Variants in F5 observed in about 807,000 individuals in gnomAD.
F5 encodes the protein coagulation factor V, also known as activated protein c cofactor.
A neutral mutation model predicts 216.4 loss-of-function variants in F5; 138 were observed. That is an observed-to-expected ratio of 0.64 (90% CI 0.56 to 0.73). The LOEUF is 0.73. Among genes scored for constraint, F5 ranks in the 30% least tolerant of loss-of-function variants. The pLI is 0.00. For missense variants in F5, 2,403 were observed against 2,674.0 expected, an observed-to-expected ratio of 0.90 and a Z score of 2.24; for synonymous variants, 916 against 930.7, an observed-to-expected ratio of 0.98 and a Z score of 0.29.
chr1:169,575,912 T>G (rs1262907300), intron 2 of F5, among the ~76,000 whole-genome samples: 1 of 152,126 alleles, frequency 6.6e-6, no homozygotes, highest in Non-Finnish European at 1.5e-5. Context: ...TGAGATGAGA[T>G]TCTTCTGGGC....
In F5 at chr1:169,569,189, A is replaced by T. The variant is rs1660671090; in HGVS notation, c.373+3032T>A. ...AAATATTCAGATGAGAAGTGAAAAA[A>T]TGTAATCACCTACATTAAGTCAAGC... On this transcript the variant is annotated intron_variant, in intron 3 of 24. Transcript: ENST00000367797. 1.3e-5 allele frequency among the ~76,000 whole-genome samples: 2 copies of T among 152,106 alleles called. 1 individual carries two copies. The highest frequency in any genetic ancestry group is 4.1e-4 in the South Asian group (2 of 4,836).
intron 3 of F5, among the ~76,000 whole-genome samples, chr1:169,564,548 A>G (rs1263381987): frequency 1.3e-5 from 2 of 151,980 alleles, no homozygotes; most frequent in Non-Finnish European, 2.9e-5. Flanking sequence ...CGATGTCTGA[A>G]AACTTCTGTT....
Position 169,514,104 on chromosome 1 carries a change from T to C in F5, c.*209A>G. 1 of 557,840 alleles carries C rather than the reference T, an allele frequency of 1.8e-6. No individual in the cohort carries two copies. The highest frequency in any genetic ancestry group is 3.2e-6 in the Non-Finnish European group (1 of 315,874). 34.6% of individuals were successfully genotyped at this position (557,840 alleles called of 1,614,324 possible). A position where few individuals can be genotyped will look rare whatever the true frequency, so the allele number is the denominator to read the frequency against. ...TGATATTTTCCTACCTGTATTCAAA[T>C]TAATGCAGAAGTAATAGCCATTATC... On this transcript the variant is annotated 3_prime_UTR_variant, in exon 25 of 25. Coordinates refer to ENST00000367797, the MANE Select transcript of F5 (RefSeq NM_000130.5).
intron 3 of F5, among the ~76,000 whole-genome samples, chr1:169,566,112 T>C (rs1463774996): frequency 6.6e-6 from 1 of 152,042 alleles, no homozygotes; most frequent in African/African-American, 2.4e-5. Context: ...GGTCAGAACT[T>C]GTCTATTAAC....
At chr1:169,576,708 T>C (rs1446820428) in intron 2 of F5, among the ~76,000 whole-genome samples, 1 of 152,188 alleles carries the variant, frequency 6.6e-6, no homozygotes, top group African/African-American at 2.4e-5. Context: ...TCTTGGCTCC[T>C]GATGGAAGTT....
At chr1:169,571,982 G>T (rs1285376915) in intron 3 of F5, among the ~76,000 whole-genome samples, 2 of 152,106 alleles carry the variant, frequency 1.3e-5, no homozygotes, top group Non-Finnish European at 2.9e-5. Flanking sequence ...AGAGAAATTA[G>T]ATAACTTGCC....
intron 23 of F5, among the ~76,000 whole-genome samples, chr1:169,516,409 T>C (rs765744931): frequency 6.6e-5 from 10 of 152,194 alleles, no homozygotes; most frequent in Admixed American, 2.6e-4. Context: ...CTCATTCAAT[T>C]CTAAAGGAAA....
intron 3 of F5, among the ~76,000 whole-genome samples, chr1:169,563,917 C>G: frequency 6.6e-6 from 1 of 152,066 alleles, no homozygotes; most frequent in East Asian, 1.9e-4. Context: ...TCTGCTTCTT[C>G]TAATGCTTGT....
At chr1:169,556,950 G>T in intron 5 of F5, 83 bp from the exon 6 acceptor site, 1 of 1,206,020 alleles carries the variant, frequency 8.3e-7, no homozygotes. Flanking sequence ...CAAGTGTATT[G>T]AGCACCTGCT....
intron 3 of F5, among the ~76,000 whole-genome samples, chr1:169,562,173 TTTC>T (rs1363331398): frequency 6.6e-6 from 1 of 152,144 alleles, no homozygotes; most frequent in Non-Finnish European, 1.5e-5. Context: ...TTCCAAAACA[TTTC>T]TTCATGCCAT....
At position 169,542,784 on chromosome 1, in the gene F5, G is replaced by A. The variant is rs763767565; in HGVS notation, c.2306C>T (p.Thr769Ile). 3 of 1,614,112 alleles carry A rather than the reference G, an allele frequency of 1.9e-6. No individual in the cohort carries two copies. Among genetic ancestry groups the A allele is most frequent in the Non-Finnish European group, 2.5e-6 (3 of 1,179,990 alleles). Reference sequence around the variant, plus strand: ...ATAATTTGAACCAACAATTATATCTGTGTTTGAAGAAACGAATTCAGTGCC... The same window carrying A: ...ATAATTTGAACCAACAATTATATCTATGTTTGAAGAAACGAATTCAGTGCC... ...ENGTEFVSSNTDIIVGSNYSS... is the reference protein window; with the variant it reads ...ENGTEFVSSNIDIIVGSNYSS... Residue 769 changes from threonine to isoleucine, a missense_variant, in exon 13 of 25, where the codon ACA (threonine) becomes ATA (isoleucine). Transcript: ENST00000367797.
chr1:169,563,943 T>C (rs901909581), intron 3 of F5, among the ~76,000 whole-genome samples: 25 of 152,166 alleles, frequency 1.6e-4, no homozygotes, highest in African/African-American at 5.8e-4. Flanking sequence ...TTTATTAACA[T>C]TGTGAATTTA....
intron 16 of F5, 91 bp from the exon 17 acceptor site, chr1:169,528,185 C>T (rs1351344798): frequency 1.6e-5 from 24 of 1,480,480 alleles, no homozygotes; most frequent in Non-Finnish European, 2.1e-5. Context: ...ACTCAACACC[C>T]ATGTTCCTCA....
At position 169,572,314 on chromosome 1, in the gene F5, C is replaced by A; in HGVS notation, c.280G>T (p.Val94Phe). 1 of 1,613,290 alleles carries A rather than the reference C, an allele frequency of 6.2e-7. No individual in the cohort carries two copies. The highest frequency in any genetic ancestry group is 8.5e-7 in the Non-Finnish European group (1 of 1,179,632). ...AAGTGAACTTTTATGATGTCTCCGA[C>A]TTCAGCATATAAAGTAGGCCCAAGA... The part of the protein sequence containing the change: ...GLLGPTLYAE[V>F]GDIIKVHFKN... The change falls in exon 3 of 25, where the codon GTC (valine) becomes TTC (phenylalanine). Residue 94 changes from valine (V) to phenylalanine (F), a missense_variant. Coordinates refer to ENST00000367797, the MANE Select transcript of F5 (RefSeq NM_000130.5).
chr1:169,553,395 C>G (rs1660221329), intron 7 of F5, among the ~76,000 whole-genome samples: 1 of 152,132 alleles, frequency 6.6e-6, no homozygotes, highest in Non-Finnish European at 1.5e-5. Flanking sequence ...CATCAGTGTT[C>G]ATGAGAGAAA....
chr1:169,540,244 T>C (rs761501907), intron 13 of F5, 50 bp downstream of exon 13: 3 of 1,598,034 alleles, frequency 1.9e-6, no homozygotes, highest in Admixed American at 3.3e-5. Context: ...AGCTACTTTT[T>C]TCAGCAGTAA....
intron 3 of F5, among the ~76,000 whole-genome samples, chr1:169,570,526 T>TGGAAGAA (rs1660699117): frequency 6.6e-6 from 1 of 152,116 alleles, no homozygotes; most frequent in Admixed American, 6.6e-5. Context: ...AAATTCACTT[T>TGGAAGAA]GGAAGAAATC....
intron 6 of F5, 58 bp downstream of exon 6, chr1:169,556,588 G>T: frequency 6.5e-7 from 1 of 1,543,772 alleles, no homozygotes; most frequent in Non-Finnish European, 8.9e-7. Flanking sequence ...GAGGGAGTTA[G>T]TGCATGGGAA....
chr1:169,526,201 G>C (rs1430291803), intron 17 of F5, among the ~76,000 whole-genome samples, 184 bp from the exon 18 acceptor site: 2 of 151,958 alleles, frequency 1.3e-5, no homozygotes, highest in Admixed American at 6.6e-5. Context: ...CACATACACA[G>C]AGATAACTAA....
Sources: gnomAD v4.1 joint callset for allele counts (sites outside exome capture counted in the v4.1 genomes callset) on GRCh38, gnomAD v4.1.1 for gene constraint, MANE v1.5 for transcripts, NCBI Gene and HGNC (gene_info 2026-07-23, HGNC 2026-07-21) for gene names.